The following FTO variants were observed in gnomAD, a reference collection of about 807,000 sequenced individuals.
FTO encodes the protein alpha-ketoglutarate-dependent dioxygenase FTO.
In FTO, 47 loss-of-function variants were observed where a neutral mutation model predicts 63.9. The observed-to-expected ratio is 0.74, with a 90% CI of 0.58 to 0.94. The LOEUF (loss-of-function observed/expected upper bound fraction) is 0.94. FTO is among the 40% of genes least tolerant of loss of function. The probability of loss-of-function intolerance (pLI) is 0.00; values close to 1 mark genes in which losing one functional copy is unlikely to be tolerated. For missense variants in FTO, 562 were observed against 618.1 expected (o/e 0.91, Z 0.96); for synonymous variants, 207 against 224.4 (o/e 0.92, Z 0.69).
At chr16:53,855,654 A>G (rs1317207716) in intron 4 of FTO, among the ~76,000 whole-genome samples, 1 of 152,168 alleles carries the variant, frequency 6.6e-6, no homozygotes, top group Non-Finnish European at 1.5e-5. Flanking sequence ...TCCTTCTCAA[A>G]CAGATGGCCA....
chr16:53,966,931 A>C (rs1226125556), intron 8 of FTO, among the ~76,000 whole-genome samples: 1 of 152,174 alleles, frequency 6.6e-6, no homozygotes, highest in Non-Finnish European at 1.5e-5. Flanking sequence ...TTCTGTAATT[A>C]TAATGGCCTG....
intron 1 of FTO, among the ~76,000 whole-genome samples, chr16:53,757,273 A>C (rs1162913659): frequency 6.6e-6 from 1 of 152,148 alleles, no homozygotes; most frequent in Non-Finnish European, 1.5e-5. Context: ...AGTATATAAT[A>C]CATTGTTATT....
intron 8 of FTO, among the ~76,000 whole-genome samples, chr16:53,981,007 C>T (rs1435876657): frequency 6.6e-6 from 1 of 152,186 alleles, no homozygotes; most frequent in Admixed American, 6.5e-5. Flanking sequence ...TATTTTTGAC[C>T]CAACAAGCCA....
intron 1 of FTO, among the ~76,000 whole-genome samples, chr16:53,731,206 G>GA (rs2076262649): frequency 6.6e-6 from 1 of 152,184 alleles, no homozygotes; most frequent in Non-Finnish European, 1.5e-5. Context: ...ATAAAGAGAA[G>GA]AAAGAGATAG....
intron 8 of FTO, among the ~76,000 whole-genome samples, chr16:54,062,074 G>A (rs2144393769): frequency 6.6e-6 from 1 of 152,286 alleles, no homozygotes; most frequent in African/African-American, 2.4e-5. Flanking sequence ...TCACGTTGCT[G>A]TCAAAATTAC....
intron 8 of FTO, among the ~76,000 whole-genome samples, chr16:54,077,018 TTAAC>T (rs1180177509): frequency 7.2e-5 from 11 of 152,292 alleles, no homozygotes; most frequent in East Asian, 3.9e-4. Context: ...ACATATGTGA[TTAAC>T]TGACTGAGGT....
At chr16:53,882,625 A>C (rs1213282827) in intron 6 of FTO, among the ~76,000 whole-genome samples, 1 of 152,178 alleles carries the variant, frequency 6.6e-6, no homozygotes, top group African/African-American at 2.4e-5. Context: ...TTGTAGGAGA[A>C]GAGGTCATAG....
At chr16:53,780,205 C>T (rs368810151) in intron 1 of FTO, among the ~76,000 whole-genome samples, 32 of 152,292 alleles carry the variant, frequency 2.1e-4, no homozygotes, top group African/African-American at 7.5e-4. Context: ...TGCTCGTTCA[C>T]TGTGCTCCAG....
At chr16:53,923,777 C>T (rs1053223774) in intron 7 of FTO, among the ~76,000 whole-genome samples, 4 of 151,630 alleles carry the variant, frequency 2.6e-5, no homozygotes, top group African/African-American at 9.7e-5. Flanking sequence ...GTCTAGCTTT[C>T]GTACATTGCC....
intron 8 of FTO, among the ~76,000 whole-genome samples, chr16:53,980,522 T>C (rs558266739): frequency 6.6e-6 from 1 of 152,316 alleles, no homozygotes; most frequent in African/African-American, 2.4e-5. Context: ...GAGGCACCTT[T>C]TTCTAATTTG....
At chr16:53,863,197 T>G (rs1451268847) in intron 4 of FTO, among the ~76,000 whole-genome samples, 1 of 152,244 alleles carries the variant, frequency 6.6e-6, no homozygotes, top group Non-Finnish European at 1.5e-5. Context: ...TTCTAAAATT[T>G]TATCATGTCA....
chr16:53,741,004 C>A (rs2076516702), intron 1 of FTO, among the ~76,000 whole-genome samples: 1 of 152,122 alleles, frequency 6.6e-6, no homozygotes, highest in Admixed American at 6.5e-5. Context: ...CGACCTTGAG[C>A]TGAGAATGGT....
chr16:53,813,523 T>A (rs923102077), intron 2 of FTO, among the ~76,000 whole-genome samples: 2 of 152,142 alleles, frequency 1.3e-5, no homozygotes, highest in Non-Finnish European at 2.9e-5. Context: ...AAGTACACCT[T>A]CTAGGAAGGC....
At chr16:53,826,524 A>T (rs374039838) in intron 3 of FTO, 33 bp downstream of exon 3, 2 of 1,606,740 alleles carry the variant, frequency 1.2e-6, no homozygotes, top group Admixed American at 3.3e-5. Flanking sequence ...GCAGCCCTGT[A>T]TGTAATAATA....
At chr16:53,787,118 A>T (rs2077765267) in intron 1 of FTO, among the ~76,000 whole-genome samples, 1 of 118,062 alleles carries the variant, frequency 8.5e-6, no homozygotes, top group Non-Finnish European at 1.7e-5. Context: ...CTCAAAAAAA[A>T]AAAAAAAAAA....
intron 8 of FTO, among the ~76,000 whole-genome samples, chr16:53,972,043 A>G (rs530449752): frequency 6.6e-6 from 1 of 152,158 alleles, no homozygotes; most frequent in East Asian, 1.9e-4. Context: ...TTCATGTAGC[A>G]TGGTCTAATG....
At chr16:53,877,326 C>T (rs183809323) in intron 5 of FTO, among the ~76,000 whole-genome samples, 3 of 152,248 alleles carry the variant, frequency 2.0e-5, no homozygotes, top group African/African-American at 2.4e-5. Context: ...ATAAATAAAA[C>T]GTGGCATATC....
At chr16:53,921,197 T>G (rs1219023908) in intron 7 of FTO, among the ~76,000 whole-genome samples, 1 of 152,224 alleles carries the variant, frequency 6.6e-6, no homozygotes, top group East Asian at 1.9e-4. Flanking sequence ...CTGGATCCTC[T>G]TGCAAGTGTG....
At chr16:53,960,277 G>A (rs1599093017) in intron 8 of FTO, among the ~76,000 whole-genome samples, 1 of 152,162 alleles carries the variant, frequency 6.6e-6, no homozygotes, top group African/African-American at 2.4e-5. Flanking sequence ...TTTGTACACA[G>A]CCACATCAAA....
Sources: gnomAD v4.1 joint callset for allele counts (sites outside exome capture counted in the v4.1 genomes callset) on GRCh38, gnomAD v4.1.1 for gene constraint, MANE v1.5 for transcripts, NCBI Gene and HGNC (gene_info 2026-07-23, HGNC 2026-07-21) for gene names.